CDH4: variants seen among roughly 807,000 people sequenced by gnomAD.
CDH4 encodes the protein cadherin 4.
Under a neutral mutation model 86.0 loss-of-function variants are expected in CDH4, and 33 were observed. The observed-to-expected ratio is 0.38, with a 90% CI of 0.29 to 0.51. The LOEUF is 0.51. CDH4 is among the 20% of genes least tolerant of loss of function. The pLI, the probability that CDH4 is intolerant of heterozygous loss-of-function variation, is 0.86. For missense variants in CDH4, 1,114 were observed against 1,307.4 expected, an observed-to-expected ratio of 0.85 and a Z score of 2.28; for synonymous variants, 555 against 549.4, an observed-to-expected ratio of 1.01 and a Z score of -0.14.
At chr20:61,458,882 C>T (rs2085425302) in intron 2 of CDH4, among the ~76,000 whole-genome samples, 1 of 151,998 alleles carries the variant, frequency 6.6e-6, no homozygotes, top group Non-Finnish European at 1.5e-5. Context: ...ACGCTCTGCC[C>T]CACACACCTC....
In CDH4 at chr20:61,359,515, A is replaced by G. The variant is rs553110061; in HGVS notation, c.169+104578A>G. 1.9e-3 allele frequency among the ~76,000 whole-genome samples: 290 copies of G among 152,340 alleles called. 1 individual carries two copies. Among genetic ancestry groups the G allele is most frequent in the African/African-American group, 6.6e-3 (273 of 41,582 alleles). ...CACCACCTCCACGCGGCAGGTTTGA[A>G]GGGCGTAGGAGTCTGGGCTGAGTCT... On this transcript the variant is annotated intron_variant, in intron 2 of 15. Transcript: ENST00000614565.
intron 4 of CDH4, among the ~76,000 whole-genome samples, chr20:61,819,923 A>C (rs1980927825): frequency 6.6e-6 from 1 of 152,168 alleles, no homozygotes; most frequent in South Asian, 2.1e-4. Flanking sequence ...GGGGCTGCTG[A>C]TCTGATCCCG....
chr20:61,534,648 C>CTTTCTTTTTTTTT (rs1568881693), intron 2 of CDH4, among the ~76,000 whole-genome samples: 6 of 108,382 alleles, frequency 5.5e-5, no homozygotes, highest in Admixed American at 2.7e-4. Context: ...TTCTTTCTTT[C>CTTTCTTTTTTTTT]TTTTCTTTCT....
At chr20:61,512,602 A>G (rs909615707) in intron 2 of CDH4, among the ~76,000 whole-genome samples, 13 of 152,212 alleles carry the variant, frequency 8.5e-5, no homozygotes, top group African/African-American at 3.1e-4. Flanking sequence ...GGGAAACATC[A>G]TTTCATAAGT....
In CDH4 at chr20:61,709,788, GTTCT is replaced by G. The variant is rs1304140182; in HGVS notation, c.170-33769_170-33766del. Among the ~76,000 whole-genome samples the G allele has an allele frequency of 6.6e-6, 1 of 152,090 alleles. No individual in the cohort carries two copies. The highest frequency in any genetic ancestry group is 1.5e-5 in the Non-Finnish European group (1 of 68,026). Reference sequence around the variant, plus strand: ...TAGCAGGATGGAGCGGGAGGTAGAGGTTCTTTCTTCTTGTTTTCCCACAGATGGC... The same window carrying G: ...TAGCAGGATGGAGCGGGAGGTAGAGGTTCTTCTTGTTTTCCCACAGATGGC... On this transcript the variant is annotated intron_variant, in intron 2 of 15. Coordinates refer to ENST00000614565, the MANE Select transcript of CDH4 (RefSeq NM_001794.5). This position sits in a 1 kb window ranked among gnomAD's most constrained non-coding sequence, Gnocchi z 4.8.
intron 2 of CDH4, among the ~76,000 whole-genome samples, chr20:61,446,848 G>C (rs957393301): frequency 6.6e-6 from 1 of 152,044 alleles, no homozygotes; most frequent in South Asian, 2.1e-4. Flanking sequence ...AATATATTCA[G>C]TTTGGCCAAT....
intron 2 of CDH4, among the ~76,000 whole-genome samples, chr20:61,653,487 G>T (rs1399319389): frequency 7.4e-6 from 1 of 135,114 alleles, no homozygotes; most frequent in African/African-American, 2.6e-5. Context: ...CGGGCAGAGG[G>T]GCTCCTCACT....
At chr20:61,381,425 C>T (rs997255838) in intron 2 of CDH4, among the ~76,000 whole-genome samples, 10 of 152,146 alleles carry the variant, frequency 6.6e-5, no homozygotes, top group Non-Finnish European at 1.5e-4. Flanking sequence ...TTGCACATAA[C>T]CTAGCAGTTT....
chr20:61,408,964 C>T (rs1359531021), intron 2 of CDH4, among the ~76,000 whole-genome samples: 1 of 152,218 alleles, frequency 6.6e-6, no homozygotes, highest in Non-Finnish European at 1.5e-5. Flanking sequence ...TGACTCTGCA[C>T]AGGCTTCTCT....
chr20:61,606,438 C>G (rs2086646236), intron 2 of CDH4, among the ~76,000 whole-genome samples: 1 of 152,192 alleles, frequency 6.6e-6, no homozygotes, highest in South Asian at 2.1e-4. Context: ...GAACCCAGAC[C>G]CAGGCTGACT....
At chr20:61,697,143 G>A (rs916259001) in intron 2 of CDH4, among the ~76,000 whole-genome samples, 1 of 152,182 alleles carries the variant, frequency 6.6e-6, no homozygotes, top group Non-Finnish European at 1.5e-5. Flanking sequence ...GGCCCCAATT[G>A]CAAACATTCG....
chr20:61,388,687 G>A (rs964679831), intron 2 of CDH4, among the ~76,000 whole-genome samples: 1 of 152,222 alleles, frequency 6.6e-6, no homozygotes, highest in African/African-American at 2.4e-5. Flanking sequence ...TTTAAAGCTA[G>A]CACAGACAGC....
intron 2 of CDH4, among the ~76,000 whole-genome samples, chr20:61,284,059 C>T (rs533600320): frequency 6.6e-6 from 1 of 151,946 alleles, no homozygotes; most frequent in South Asian, 2.1e-4. Context: ...GTAATCCCAG[C>T]ACTTTGGAGG....
chr20:61,514,244 T>C lies in CDH4; in HGVS notation c.170-229319T>C, dbSNP rs527660230. Among the ~76,000 whole-genome samples the C allele has an allele frequency of 2.6e-5, 4 of 152,198 alleles. No homozygotes were observed. The East Asian group carries it at 5.8e-4, about 22-fold the overall frequency. On this transcript the variant is annotated intron_variant, in intron 2 of 15. Transcript: ENST00000614565. ...GGTCTGGCTGCTGGGTATGACTTTC[T>C]TCAGACCCCTCAGGAAGAATTTTGG...
At chr20:61,313,100 G>A (rs2084456550) in intron 2 of CDH4, among the ~76,000 whole-genome samples, 1 of 152,188 alleles carries the variant, frequency 6.6e-6, no homozygotes, top group African/African-American at 2.4e-5. Context: ...CATAGAACAG[G>A]CTGGCTCTGC....
chr20:61,611,282 C>A (rs1179567327), intron 2 of CDH4, among the ~76,000 whole-genome samples: 1 of 152,090 alleles, frequency 6.6e-6, no homozygotes, highest in African/African-American at 2.4e-5. Flanking sequence ...GGTGACCAGT[C>A]CCATCTGAGA....
rs1263744816 is a variant in CDH4 at position 61,879,604 on chromosome 20, GT to G, written c.1050+5706del. ...GAGAGGCTTCGATAAGACCTGAGCG[GT>G]TCAAGTGTCTCTCGTGTACCAGCCG... On this transcript the variant is annotated intron_variant, in intron 7 of 15. Transcript: ENST00000614565. The surrounding 1 kb of genome is among the most constrained non-coding windows in gnomAD (Gnocchi z 4.1). 6.6e-6 allele frequency among the ~76,000 whole-genome samples: 1 copy of G among 152,190 alleles called. No homozygotes were observed. The highest frequency in any genetic ancestry group is 2.4e-5 in the African/African-American group (1 of 41,440).
At position 61,368,994 on chromosome 20, in the gene CDH4, A is replaced by G. The variant is rs574269519; in HGVS notation, c.169+114057A>G. 3.3e-5 allele frequency among the ~76,000 whole-genome samples: 5 copies of G among 152,326 alleles called. No individual in the cohort carries two copies. In the South Asian group the frequency reaches 1.0e-3, roughly 32 times the overall value. The stretch of plus-strand genomic sequence containing the variant: ...CCTGAAAATCCCGAATCTAATCATG[A>G]GAAAACATCAGAGAAACCCAAAGTG... On this transcript the variant is annotated intron_variant, in intron 2 of 15. Coordinates refer to ENST00000614565, the MANE Select transcript of CDH4 (RefSeq NM_001794.5).
chr20:61,432,180 A>G (rs894930658), intron 2 of CDH4, among the ~76,000 whole-genome samples: 29 of 152,214 alleles, frequency 1.9e-4, no homozygotes, highest in Admixed American at 6.5e-5. Flanking sequence ...TATATAGTAG[A>G]GAAGTGTTTA....
Sources: gnomAD v4.1 joint callset for allele counts (sites outside exome capture counted in the v4.1 genomes callset) on GRCh38, gnomAD v4.1.1 for gene constraint, Gnocchi (gnomAD v3.1) non-coding constraint, MANE v1.5 for transcripts, NCBI Gene and HGNC (gene_info 2026-07-23, HGNC 2026-07-21) for gene names.